MAP3K5: variants seen among roughly 807,000 people sequenced by gnomAD.
MAP3K5 encodes mitogen-activated protein kinase kinase kinase 5.
In MAP3K5, 56 loss-of-function variants were observed where a neutral mutation model predicts 158.7. The observed-to-expected ratio is 0.35, with a 90% CI of 0.28 to 0.44. The LOEUF is 0.44. MAP3K5 is among the 20% of genes least tolerant of loss of function. The pLI is 1.00. For missense variants in MAP3K5, 1,294 were observed against 1,674.8 expected, an observed-to-expected ratio of 0.77 and a Z score of 3.97; for synonymous variants, 579 against 601.7, an observed-to-expected ratio of 0.96 and a Z score of 0.55.
intron 28 of MAP3K5, 79 bp downstream of exon 28, chr6:136,561,454 C>T: frequency 9.7e-7 from 1 of 1,030,826 alleles, no homozygotes; most frequent in Non-Finnish European, 1.5e-6. Flanking sequence ...AGTGTATCCC[C>T]TGTGCCTGTC....
intron 10 of MAP3K5, among the ~76,000 whole-genome samples, chr6:136,651,385 T>C (rs550850794): frequency 1.3e-5 from 2 of 152,342 alleles, no homozygotes; most frequent in South Asian, 2.1e-4. Context: ...GGGAATCTAC[T>C]AGTGATAACT....
intron 14 of MAP3K5, 125 bp from the exon 15 acceptor site, chr6:136,623,106 A>C: frequency 2.5e-6 from 2 of 808,420 alleles, no homozygotes; most frequent in Non-Finnish European, 4.0e-6. Flanking sequence ...CTGAAGTTCT[A>C]AGAAGCAGCT....
At chr6:136,570,495 C>T (rs1774313233) in intron 25 of MAP3K5, among the ~76,000 whole-genome samples, 1 of 152,180 alleles carries the variant, frequency 6.6e-6, no homozygotes, top group Non-Finnish European at 1.5e-5. Context: ...TCTAGAACAT[C>T]CTGGACATTA....
chr6:136,739,931 T>C (rs944110788), intron 1 of MAP3K5, among the ~76,000 whole-genome samples: 22 of 152,166 alleles, frequency 1.4e-4, no homozygotes, highest in African/African-American at 5.1e-4. Context: ...CCATGGGCAG[T>C]GGCAGCAGGG....
At chr6:136,723,193 T>A (rs1228650980) in intron 1 of MAP3K5, among the ~76,000 whole-genome samples, 1 of 151,958 alleles carries the variant, frequency 6.6e-6, no homozygotes, top group African/African-American at 2.4e-5. Context: ...CGTGTGTATG[T>A]GTATATATGT....
At chr6:136,618,952 T>C (rs1583282638) in intron 15 of MAP3K5, among the ~76,000 whole-genome samples, 1 of 152,150 alleles carries the variant, frequency 6.6e-6, no homozygotes, top group African/African-American at 2.4e-5. Context: ...AAAGCCGGAG[T>C]TCCTAGTTCC....
chr6:136,570,097 C>T (rs1367661499), intron 25 of MAP3K5, among the ~76,000 whole-genome samples: 1 of 152,114 alleles, frequency 6.6e-6, no homozygotes, highest in Non-Finnish European at 1.5e-5. Flanking sequence ...AAGCCTCTCC[C>T]GAGTCCATGA....
chr6:136,751,252 G>C (rs1039152523), intron 1 of MAP3K5, among the ~76,000 whole-genome samples: 1 of 150,822 alleles, frequency 6.6e-6, no homozygotes, highest in Non-Finnish European at 1.5e-5. Flanking sequence ...GTGTTTATTT[G>C]GGAATTATGG....
At chr6:136,758,492 AT>A (rs1783603470) in intron 1 of MAP3K5, among the ~76,000 whole-genome samples, 1 of 152,178 alleles carries the variant, frequency 6.6e-6, no homozygotes, top group African/African-American at 2.4e-5. Context: ...TTCGTTTCCC[AT>A]TTTTTTAAAA....
chr6:136,650,253 T>A (rs1378921313), intron 11 of MAP3K5, among the ~76,000 whole-genome samples: 1 of 152,200 alleles, frequency 6.6e-6, no homozygotes, highest in African/African-American at 2.4e-5. Flanking sequence ...TGGGAAACAG[T>A]TACGAGAAAG....
chr6:136,697,139 A>G (rs1208344764), intron 5 of MAP3K5, 80 bp downstream of exon 5: 19 of 1,298,120 alleles, frequency 1.5e-5, no homozygotes, highest in Non-Finnish European at 2.0e-5. Context: ...GCTTACCAGC[A>G]AACTGAAATT....
At chr6:136,684,221 T>C (rs1422331264) in intron 7 of MAP3K5, among the ~76,000 whole-genome samples, 2 of 151,650 alleles carry the variant, frequency 1.3e-5, no homozygotes, top group African/African-American at 4.9e-5. Flanking sequence ...TATCTCAATT[T>C]TTTTTTTAAA....
intron 25 of MAP3K5, among the ~76,000 whole-genome samples, chr6:136,570,925 G>A (rs1365255913): frequency 2.0e-5 from 3 of 152,136 alleles, no homozygotes; most frequent in African/African-American, 4.8e-5. Flanking sequence ...GACAGGGATT[G>A]ATCTCCAGTG....
intron 1 of MAP3K5, among the ~76,000 whole-genome samples, chr6:136,744,425 GA>G (rs1232232494): frequency 6.6e-6 from 1 of 151,932 alleles, no homozygotes; most frequent in Non-Finnish European, 1.5e-5. Context: ...CCCATGCCCA[GA>G]AAAGTCTCTG....
At chr6:136,695,341 G>A (rs571397106) in intron 6 of MAP3K5, among the ~76,000 whole-genome samples, 1 of 152,114 alleles carries the variant, frequency 6.6e-6, no homozygotes, top group Non-Finnish European at 1.5e-5. Context: ...GTTTCACCGT[G>A]TTGCCCAGGC....
At chr6:136,756,505 G>T (rs1346422556) in intron 1 of MAP3K5, among the ~76,000 whole-genome samples, 2 of 152,126 alleles carry the variant, frequency 1.3e-5, no homozygotes, top group African/African-American at 2.4e-5. Flanking sequence ...CTGGAGTGCA[G>T]TGGCGCAATC....
chr6:136,603,539 T>C (rs1170493144), intron 19 of MAP3K5, among the ~76,000 whole-genome samples: 3 of 152,100 alleles, frequency 2.0e-5, no homozygotes, highest in Non-Finnish European at 2.9e-5. Context: ...GCAGGTTAAA[T>C]AATTTGCTCA....
At position 136,637,306 on chromosome 6, in the gene MAP3K5, T is replaced by G. The variant is rs1233520106; in HGVS notation, c.2016+19A>C. On this transcript the variant is annotated intron_variant, in intron 14 of 29. Coordinates refer to ENST00000359015, the MANE Select transcript of MAP3K5 (RefSeq NM_005923.4). ...TTTTAAAATGAGCTCTAAATGTAAA[T>G]GGACACCTAAGTCATTACCTCCAGC... The G allele has an allele frequency of 6.3e-7, 1 of 1,574,862 alleles. No homozygotes were observed. The highest frequency in any genetic ancestry group is 1.3e-5 in the African/African-American group (1 of 74,132).
intron 28 of MAP3K5, among the ~76,000 whole-genome samples, chr6:136,560,635 T>C (rs1165867721): frequency 1.3e-5 from 2 of 152,106 alleles, no homozygotes; most frequent in Non-Finnish European, 2.9e-5. Flanking sequence ...AATCTAATAA[T>C]GTTGAAAAAG....
Sources: gnomAD v4.1 joint callset for allele counts (sites outside exome capture counted in the v4.1 genomes callset) on GRCh38, gnomAD v4.1.1 for gene constraint, MANE v1.5 for transcripts, NCBI Gene and HGNC (gene_info 2026-07-23, HGNC 2026-07-21) for gene names.